Variants in FAM133A observed in about 807,000 individuals in gnomAD.
FAM133A encodes family with sequence similarity 133 member A, also known as protein FAM133A.
For missense variants in FAM133A, 159 were observed against 164.4 expected, an observed-to-expected ratio of 0.97 and a Z score of 0.18; for synonymous variants, 65 against 58.6, an observed-to-expected ratio of 1.11 and a Z score of -0.50.
At chrX:93,707,962 C>G (rs1008716951) in intron 3 of FAM133A, among the ~76,000 whole-genome samples, 2 of 111,616 alleles carry the variant, frequency 1.8e-5, no homozygotes, top group African/African-American at 6.5e-5. Flanking sequence ...ACGCAATAAT[C>G]ACAAATAAAA....
chrX:93,686,916 G>A (rs1925568581), intron 2 of FAM133A, among the ~76,000 whole-genome samples: 1 of 112,187 alleles, frequency 8.9e-6, no homozygotes, highest in Admixed American at 9.4e-5. Flanking sequence ...TTCACTGTCT[G>A]GCCTCAGCCT....
intron 2 of FAM133A, among the ~76,000 whole-genome samples, chrX:93,679,869 C>T (rs1924991589): frequency 1.1e-5 from 1 of 95,101 alleles, no homozygotes; most frequent in South Asian, 5.2e-4. Flanking sequence ...CTGCCTCAGT[C>T]TCCCGTGTAG....
At chrX:93,675,190 C>T (rs1392649817) in intron 2 of FAM133A, among the ~76,000 whole-genome samples, 1 of 111,299 alleles carries the variant, frequency 9.0e-6, no homozygotes, top group Non-Finnish European at 1.9e-5. Context: ...ATAGAAAATT[C>T]CAACAGTAGT....
In FAM133A at chrX:93,710,099, A is replaced by T; in HGVS notation, c.680A>T (p.Lys227Met). 2 of 1,198,930 alleles carry T rather than the reference A, an allele frequency of 1.7e-6. No homozygotes were observed. The highest frequency in any genetic ancestry group is 2.2e-6 in the Non-Finnish European group (2 of 889,001). Residue 227 changes from lysine to methionine, a missense_variant, in exon 4 of 4, where the codon AAG (lysine) becomes ATG (methionine). Lys to Met is a moderately conservative substitution (Grantham distance 95). Transcript: ENST00000683942. Reference protein sequence around the residue: ...QAKEKVKKKKKKQHKKHSKKK... With the variant: ...QAKEKVKKKKMKQHKKHSKKK... ...AAGGAAAAAGTAAAGAAGAAGAAGA[A>T]GAAACAGCACAAGAAACATAGTAAG...
At chrX:93,681,462 T>C in intron 2 of FAM133A, among the ~76,000 whole-genome samples, 1 of 111,620 alleles carries the variant, frequency 9.0e-6, no homozygotes, top group East Asian at 2.8e-4. Flanking sequence ...AAGTAGTTGT[T>C]CTCCATTCTG....
At chrX:93,686,230 C>T (rs1401846560) in intron 2 of FAM133A, among the ~76,000 whole-genome samples, 1 of 108,662 alleles carries the variant, frequency 9.2e-6, no homozygotes, top group Admixed American at 1.0e-4. Flanking sequence ...GGGATAAGAA[C>T]ATCAGTTTTG....
intron 2 of FAM133A, among the ~76,000 whole-genome samples, chrX:93,698,167 T>G (rs927445706): frequency 4.5e-5 from 5 of 111,465 alleles, no homozygotes; most frequent in Non-Finnish European, 9.4e-5. Context: ...GATAGTTGTT[T>G]ACAATTGAAT....
chrX:93,711,975 T>A lies in FAM133A; in HGVS notation c.*1809T>A, dbSNP rs1363833489. 1 of 123,423 alleles carries A rather than the reference T, an allele frequency of 8.1e-6. No individual in the cohort carries two copies. The highest frequency in any genetic ancestry group is 3.2e-5 in the African/African-American group (1 of 30,797). The allele number at this position is 123,423 out of a possible 1,213,427, so 10.2% of individuals were successfully genotyped here. ...TCATCATGTATCTATCTGCTCCTGT[T>A]CACTTCCAAACCTCTTGTAGTTAGG... is the stretch of plus-strand genomic sequence containing the variant. On this transcript the variant is annotated 3_prime_UTR_variant, in exon 4 of 4. Coordinates refer to ENST00000683942, the MANE Select transcript of FAM133A (RefSeq NM_001171109.2).
At chrX:93,698,516 A>T (rs759518541) in intron 3 of FAM133A, 31 bp downstream of exon 3, 39 of 111,733 alleles carry the variant, frequency 3.5e-4, no homozygotes, top group African/African-American at 1.2e-3. Flanking sequence ...GGAGTGATCC[A>T]CTCTGTCAAA....
chrX:93,694,221 C>CT (rs982645455), intron 2 of FAM133A, among the ~76,000 whole-genome samples: 22 of 109,225 alleles, frequency 2.0e-4, no homozygotes, highest in African/African-American at 5.0e-4. Context: ...TATGGAATAT[C>CT]TTTTTTTTTG....
At position 93,709,625 on chromosome X, in the gene FAM133A, G is replaced by A; in HGVS notation, c.206G>A (p.Trp69Ter). The change falls in exon 4 of 4, where the codon TGG becomes TAG. Residue 69 changes from tryptophan to a stop codon, truncating the protein, a stop_gained. Coordinates refer to ENST00000683942, the MANE Select transcript of FAM133A (RefSeq NM_001171109.2). LOFTEE classifies it low-confidence loss of function (END_TRUNC). ...AEFEEKMNEN[W>*]KKELEKSREK... ...TTTGAAGAAAAAATGAATGAAAATT[G>A]GAAGAAAGAACTTGAAAAAAGCAGA... The A allele has an allele frequency of 8.4e-7, 1 of 1,192,467 alleles. No individual in the cohort carries two copies. The highest frequency in any genetic ancestry group is 1.1e-6 in the Non-Finnish European group (1 of 888,543).
chrX:93,685,016 A>G (rs747157604), intron 2 of FAM133A, among the ~76,000 whole-genome samples: 4 of 111,917 alleles, frequency 3.6e-5, no homozygotes, highest in Admixed American at 9.5e-5. Context: ...TGAAGCTTTT[A>G]TGCATCGTTG....
intron 2 of FAM133A, among the ~76,000 whole-genome samples, chrX:93,695,509 T>G (rs1926178025): frequency 9.1e-6 from 1 of 110,258 alleles, no homozygotes; most frequent in Non-Finnish European, 1.9e-5. Flanking sequence ...CGCCTAGGCC[T>G]CCCAAAGTGC....
At chrX:93,683,446 A>G (rs1431935968) in intron 2 of FAM133A, among the ~76,000 whole-genome samples, 3 of 112,086 alleles carry the variant, frequency 2.7e-5, no homozygotes, top group Non-Finnish European at 5.6e-5. Flanking sequence ...CAAACTTGCC[A>G]CATTGCCTTT....
intron 2 of FAM133A, among the ~76,000 whole-genome samples, chrX:93,683,489 C>G (rs1925301679): frequency 8.9e-6 from 1 of 111,759 alleles, no homozygotes; most frequent in Non-Finnish European, 1.9e-5. Context: ...AACAACTTCC[C>G]TCCAATTTCT....
chrX:93,690,537 G>C (rs1925817778), intron 2 of FAM133A, among the ~76,000 whole-genome samples: 1 of 111,753 alleles, frequency 8.9e-6, no homozygotes, highest in South Asian at 3.7e-4. Flanking sequence ...CCATGTTATA[G>C]CATGGATCAA....
intron 2 of FAM133A, among the ~76,000 whole-genome samples, chrX:93,692,144 C>T (rs1475105807): frequency 1.8e-5 from 2 of 111,658 alleles, no homozygotes; most frequent in Non-Finnish European, 3.8e-5. Flanking sequence ...TTGCATTATA[C>T]TTACCGATTC....
intron 3 of FAM133A, among the ~76,000 whole-genome samples, chrX:93,702,837 T>TAAAAAAAAAAAA (rs33985910): frequency 3.3e-4 from 14 of 43,040 alleles, no homozygotes; most frequent in Non-Finnish European, 4.4e-4. Flanking sequence ...ATAGCTATGA[T>TAAAAAAAAAAAA]AAAAAAAAAA....
intron 2 of FAM133A, among the ~76,000 whole-genome samples, chrX:93,697,737 T>A (rs1230393070): frequency 8.9e-6 from 1 of 111,736 alleles, no homozygotes. Context: ...TGAAAGGATC[T>A]TGAAGATGCC....
Sources: allele counts gnomAD v4.1 joint callset (sites outside exome capture counted in the v4.1 genomes callset), GRCh38; gene constraint gnomAD v4.1.1; transcripts MANE v1.5; gene names NCBI Gene and HGNC (gene_info 2026-07-23, HGNC 2026-07-21).